The following TRIM38 variants were observed in gnomAD, a reference collection of about 807,000 sequenced individuals.
The protein encoded by TRIM38 is E3 ubiquitin-protein ligase TRIM38.
TRIM38 carries 35 observed loss-of-function variants against 35.8 expected under a neutral mutation model. That is an observed-to-expected ratio of 0.98 (90% CI 0.75 to 1.30). The LOEUF (loss-of-function observed/expected upper bound fraction) is 1.30. Among genes scored for constraint, TRIM38 ranks in the 50% most tolerant of loss-of-function variants. The pLI is 0.00. For missense variants in TRIM38, 545 were observed against 556.9 expected, an observed-to-expected ratio of 0.98 and a Z score of 0.21; for synonymous variants, 198 against 204.7, an observed-to-expected ratio of 0.97 and a Z score of 0.28.
chr6:25,975,781 A>C, intron 7 of TRIM38: 2 of 793,582 alleles, frequency 2.5e-6, no homozygotes, highest in South Asian at 1.1e-4. Flanking sequence ...CCATAAGAAT[A>C]TAATAAATAT....
At chr6:25,972,242 G>A in intron 5 of TRIM38, 143 bp downstream of exon 5, 1 of 728,588 alleles carries the variant, frequency 1.4e-6, no homozygotes, top group Non-Finnish European at 2.2e-6. Context: ...TAATTTATAG[G>A]GTACCTTTAT....
rs140549371 is a variant in TRIM38 at position 25,965,043 on chromosome 6, C to T, written c.-188-1292C>T. ...GGTCAGGCTGGTCTCAAACTCCTGACCTCAGGTGATCTGCCCGCCTCGGCT... is the reference window on the plus strand; with the variant it reads ...GGTCAGGCTGGTCTCAAACTCCTGATCTCAGGTGATCTGCCCGCCTCGGCT... On this transcript the variant is annotated intron_variant, in intron 2 of 7. Transcript: ENST00000357085. 7.6e-3 allele frequency among the ~76,000 whole-genome samples: 1,152 copies of T among 152,246 alleles called. 11 individuals carry two copies. Among genetic ancestry groups the T allele is most frequent in the African/African-American group, 0.02 (837 of 41,508 alleles).
intron 7 of TRIM38, 104 bp downstream of exon 7, chr6:25,973,389 T>C: frequency 4.0e-6 from 6 of 1,491,932 alleles, no homozygotes; most frequent in South Asian, 1.3e-5. Flanking sequence ...AGAGAGGTTG[T>C]TTAGTTAATT....
At chr6:25,973,139 C>T in intron 6 of TRIM38, 34 bp from the exon 7 acceptor site, 4 of 1,614,076 alleles carry the variant, frequency 2.5e-6, no homozygotes, top group Non-Finnish European at 3.4e-6. Context: ...TGGAATGCAC[C>T]TCTGAAGAAA....
rs1554143705 is a variant in TRIM38, at chr6:25,987,214, C to CCCT, written c.*3529_*3530insTCC. Reference sequence around the variant, plus strand: ...TAACAAAGGTACTCCCCGCCCCCCGCCCGCCACACACCATCCCCAAAAGGA... The same window carrying CCCT: ...TAACAAAGGTACTCCCCGCCCCCCGCCCTCCGCCACACACCATCCCCAAAAGGA... On this transcript the variant is annotated 3_prime_UTR_variant, in exon 8 of 8. Coordinates refer to ENST00000357085, the MANE Select transcript of TRIM38 (RefSeq NM_006355.5). The CCCT allele has an allele frequency of 5.9e-5, 3 of 50,778 alleles. No individual in the cohort carries two copies. Among genetic ancestry groups the CCCT allele is most frequent in the African/African-American group, 1.4e-4 (3 of 21,620 alleles). The allele number at this position is 50,778 out of a possible 1,614,324, so 3.1% of individuals were successfully genotyped here. A position where few individuals can be genotyped will look rare whatever the true frequency, so the allele number is the denominator to read the frequency against.
rs903662233 is a variant in TRIM38 at position 25,987,802 on chromosome 6, G to C, written c.*4115G>C. 6 of 152,188 alleles carry C rather than the reference G, an allele frequency of 3.9e-5. No homozygotes were observed. The highest frequency in any genetic ancestry group is 1.4e-4 in the African/African-American group (6 of 41,436). The allele number at this position is 152,188 out of a possible 1,614,324, so 9.4% of individuals were successfully genotyped here. A position where few individuals can be genotyped will look rare whatever the true frequency, so the allele number is the denominator to read the frequency against. On this transcript the variant is annotated 3_prime_UTR_variant, in exon 8 of 8. Coordinates refer to ENST00000357085, the MANE Select transcript of TRIM38 (RefSeq NM_006355.5). ...ATGTATTCACCATTATAGTATCACA[G>C]AAGTTTCACTGCCCTAAAAATCCTG...
chr6:25,973,097 G>T, intron 6 of TRIM38, 21 bp downstream of exon 6: 1 of 1,614,158 alleles, frequency 6.2e-7, no homozygotes, highest in Non-Finnish European at 8.5e-7. Context: ...TTTGAATGCA[G>T]GAGGGGAGGG....
intron 7 of TRIM38, among the ~76,000 whole-genome samples, chr6:25,982,832 A>G (rs1760592772): frequency 6.6e-6 from 1 of 152,232 alleles, no homozygotes; most frequent in Non-Finnish European, 1.5e-5. Context: ...ACACCTGTGT[A>G]ATCCAGCACT....
Position 25,989,423 on chromosome 6 carries a change from C to T in TRIM38, c.*5736C>T, listed in dbSNP as rs960943852. The T allele has an allele frequency of 1.3e-5, 2 of 151,638 alleles. No homozygotes were observed. Among genetic ancestry groups the T allele is most frequent in the African/African-American group, 4.8e-5 (2 of 41,248 alleles). 9.4% of individuals were successfully genotyped at this position (151,638 alleles called of 1,614,324 possible). ...AAGTATTAATTTGGCAATCTCATATCACGAGAGTACTCTAAAGCTAAATAA... is the reference window on the plus strand; with the variant it reads ...AAGTATTAATTTGGCAATCTCATATTACGAGAGTACTCTAAAGCTAAATAA... On this transcript the variant is annotated 3_prime_UTR_variant, in exon 8 of 8. Coordinates refer to ENST00000357085, the MANE Select transcript of TRIM38 (RefSeq NM_006355.5).
intron 5 of TRIM38, 141 bp from the exon 6 acceptor site, chr6:25,972,913 A>G: frequency 2.9e-6 from 3 of 1,020,058 alleles, no homozygotes; most frequent in Non-Finnish European, 4.3e-6. Context: ...ACTTTGTTTG[A>G]GTATCCATCA....
intron 4 of TRIM38, among the ~76,000 whole-genome samples, chr6:25,970,292 C>T (rs552720226): frequency 6.6e-6 from 1 of 152,292 alleles, no homozygotes; most frequent in African/African-American, 2.4e-5. Context: ...AGATTATTTC[C>T]GTGGCTGACT....
In TRIM38 at chr6:25,990,980, T is replaced by G. The variant is rs1760815836; in HGVS notation, c.*7293T>G. On this transcript the variant is annotated 3_prime_UTR_variant, in exon 8 of 8. Coordinates refer to ENST00000357085, the MANE Select transcript of TRIM38 (RefSeq NM_006355.5). The stretch of plus-strand genomic sequence containing the variant: ...TTTCTGATAGAGAATAGAAGAGTCC[T>G]TCAGGCCCCTCCAAACTGTCATATT... 6.6e-6 allele frequency: 1 copy of G among 152,206 alleles called. No individual in the cohort carries two copies. Among genetic ancestry groups the G allele is most frequent in the African/African-American group, 2.4e-5 (1 of 41,446 alleles). The allele number at this position is 152,206 out of a possible 1,614,324, so 9.4% of individuals were successfully genotyped here. A position where few individuals can be genotyped will look rare whatever the true frequency, so the allele number is the denominator to read the frequency against.
intron 2 of TRIM38, among the ~76,000 whole-genome samples, chr6:25,964,966 C>A (rs1413233808): frequency 1.3e-5 from 2 of 152,116 alleles, no homozygotes; most frequent in African/African-American, 4.8e-5. Context: ...TGTGCACCAC[C>A]ACATCTAGCT....
At chr6:25,979,940 C>T (rs550317942) in intron 7 of TRIM38, among the ~76,000 whole-genome samples, 84 of 152,114 alleles carry the variant, frequency 5.5e-4, no homozygotes, top group Middle Eastern at 3.5e-3. Flanking sequence ...TAGTAGTTTA[C>T]ATTTCCTAAT....
Position 25,983,198 on chromosome 6 carries a change from C to T in TRIM38, c.909C>T (p.His303=), listed in dbSNP as rs571824896. The change falls in exon 8 of 8, where the codon CAC becomes CAT. Residue 303 remains histidine (H), a synonymous_variant. Transcript: ENST00000357085. The part of the protein sequence containing the change: ...SVTLDPDTAH[H]ELILSEDRRQ... ...CTCTGGATCCAGATACAGCTCATCA[C>T]GAACTAATTCTCTCTGAGGATCGGA... The T allele has an allele frequency of 9.1e-5, 146 of 1,608,196 alleles. No homozygotes were observed. The highest frequency in any genetic ancestry group is 1.8e-4 in the East Asian group (8 of 44,832).
At chr6:25,978,164 C>T (rs1760450689) in intron 7 of TRIM38, among the ~76,000 whole-genome samples, 1 of 152,010 alleles carries the variant, frequency 6.6e-6, no homozygotes, top group African/African-American at 2.4e-5. Context: ...CCTTCCACCT[C>T]AGGTCTCCCT....
At chr6:25,971,489 G>A (rs1359103542) in intron 4 of TRIM38, among the ~76,000 whole-genome samples, 2 of 152,172 alleles carry the variant, frequency 1.3e-5, no homozygotes, top group Non-Finnish European at 2.9e-5. Flanking sequence ...ATATAGTTCA[G>A]TAGAATTAAG....
In TRIM38 at chr6:25,990,752, T is replaced by C. The variant is rs1469448872; in HGVS notation, c.*7065T>C. The stretch of plus-strand genomic sequence containing the variant: ...TCAGTATTTCAATTTAATTACTAAT[T>C]ATAATTCACAGTTATCCTTGTAACT... On this transcript the variant is annotated 3_prime_UTR_variant, in exon 8 of 8. Coordinates refer to ENST00000357085, the MANE Select transcript of TRIM38 (RefSeq NM_006355.5). 6.6e-6 allele frequency: 1 copy of C among 151,888 alleles called. No homozygotes were observed. Among genetic ancestry groups the C allele is most frequent in the African/African-American group, 2.4e-5 (1 of 41,432 alleles). The allele number at this position is 151,888 out of a possible 1,614,324, so 9.4% of individuals were successfully genotyped here.
intron 2 of TRIM38, among the ~76,000 whole-genome samples, chr6:25,964,143 A>C (rs912833429): frequency 2.0e-5 from 3 of 152,146 alleles, no homozygotes; most frequent in Non-Finnish European, 2.9e-5. Context: ...TAACAAGTAC[A>C]TGGGCTAGAA....
Sources: allele counts gnomAD v4.1 joint callset (sites outside exome capture counted in the v4.1 genomes callset), GRCh38; gene constraint gnomAD v4.1.1; transcripts MANE v1.5; gene names NCBI Gene and HGNC (gene_info 2026-07-23, HGNC 2026-07-21).